Variants in AGBL2 observed in about 807,000 individuals in gnomAD.
The protein encoded by AGBL2 is cytosolic carboxypeptidase 2.
In AGBL2, 87 loss-of-function variants were observed where a neutral mutation model predicts 103.0. The observed-to-expected ratio is 0.84, with a 90% CI of 0.71 to 1.01. The LOEUF (loss-of-function observed/expected upper bound fraction) is 1.01. Among genes scored for constraint, AGBL2 ranks in the 50% least tolerant of loss-of-function variants. The pLI is 0.00. For synonymous variants in AGBL2, 335 were observed against 356.7 expected (o/e 0.94, Z 0.69); for missense variants, 904 against 1,023.5 (o/e 0.88, Z 1.59).
chr11:47,691,470 G>A (rs1250746386), intron 9 of AGBL2, among the ~76,000 whole-genome samples: 2 of 150,732 alleles, frequency 1.3e-5, no homozygotes, highest in Non-Finnish European at 2.9e-5. Flanking sequence ...CACTTTGGGA[G>A]GCCGAGACGG....
At position 47,714,339 on chromosome 11, in the gene AGBL2, A is replaced by G. The variant is rs139099662; in HGVS notation, c.42T>C (p.Pro14=). 113 of 1,612,838 alleles carry G rather than the reference A, an allele frequency of 7.0e-5. No homozygotes were observed. The highest frequency in any genetic ancestry group is 9.2e-5 in the Non-Finnish European group (108 of 1,179,342). The part of the protein sequence containing the change: ...ALETHLKQTI[P]DPYEDFMYRH... The stretch of plus-strand genomic sequence containing the variant: ...GGTACATAAAGTCTTCATAAGGATC[A>G]GGAATAGTCTGTGAAAGGAAAGGCC... The change falls in exon 3 of 19, where the codon CCT becomes CCC. Residue 14 remains proline, a synonymous_variant. Transcript: ENST00000525123.
At chr11:47,665,932 C>T (rs374832888) in intron 17 of AGBL2, among the ~76,000 whole-genome samples, 2 of 151,950 alleles carry the variant, frequency 1.3e-5, no homozygotes, top group Non-Finnish European at 2.9e-5. Flanking sequence ...TCACTTGAAC[C>T]CGGGAAGTGG....
intron 8 of AGBL2, among the ~76,000 whole-genome samples, chr11:47,698,364 G>T (rs2097485048): frequency 6.6e-6 from 1 of 151,498 alleles, no homozygotes; most frequent in Non-Finnish European, 1.5e-5. Context: ...TAGAGATAGG[G>T]TTTCTCCATG....
rs147112969 is a variant in AGBL2 at position 47,664,361 on chromosome 11, C to G, written c.2449-1249G>C. 3.7e-3 allele frequency among the ~76,000 whole-genome samples: 563 copies of G among 152,074 alleles called. 1 individual carries two copies. Among genetic ancestry groups the G allele is most frequent in the Non-Finnish European group, 6.6e-3 (450 of 68,000 alleles). ...TCCTGGACTCAAGTGATTCTCCCAC[C>G]TCAGCCTCCCAAGTAGCTAGGACTA... On this transcript the variant is annotated intron_variant, in intron 17 of 18. Transcript: ENST00000525123.
chr11:47,686,992 G>A (rs111861229), intron 10 of AGBL2, among the ~76,000 whole-genome samples: 2 of 107,782 alleles, frequency 1.9e-5, no homozygotes, highest in Admixed American at 1.1e-4. Flanking sequence ...GTGGGGGGAG[G>A]GGGGAGGGAT....
chr11:47,694,539 T>C (rs1401748254), intron 8 of AGBL2, among the ~76,000 whole-genome samples: 2 of 152,180 alleles, frequency 1.3e-5, no homozygotes, highest in Non-Finnish European at 2.9e-5. Flanking sequence ...CCTTGCCTAT[T>C]TGCTATCCCT....
At chr11:47,661,936 A>AC (rs915291652) in intron 18 of AGBL2, among the ~76,000 whole-genome samples, 13 of 151,798 alleles carry the variant, frequency 8.6e-5, no homozygotes, top group South Asian at 2.1e-4. Flanking sequence ...TTTAGTAGAG[A>AC]CAGGGTTTCA....
chr11:47,699,601 G>A (rs934094106), intron 7 of AGBL2, 48 bp from the exon 8 acceptor site: 11 of 1,056,866 alleles, frequency 1.0e-5, no homozygotes, highest in East Asian at 2.5e-5. Context: ...TAATGTAAAC[G>A]GCACTATCAG....
intron 4 of AGBL2, among the ~76,000 whole-genome samples, chr11:47,707,745 G>C (rs558859696): frequency 5.9e-5 from 9 of 152,044 alleles, no homozygotes; most frequent in Non-Finnish European, 1.3e-4. Flanking sequence ...CCTACACTAC[G>C]TATAAGTTTC....
rs183287931 is a variant in AGBL2 at position 47,709,871 on chromosome 11, G to A, written c.232+506C>T. Among the ~76,000 whole-genome samples, 863 of 152,026 alleles carry A rather than the reference G, an allele frequency of 5.7e-3. 7 individuals carry two copies. Among genetic ancestry groups the A allele is most frequent in the Non-Finnish European group, 6.8e-3 (462 of 67,982 alleles). ...TCCAAAGTGCTGGGATTACAGGCGT[G>A]AGCCACGATGCCAGGTGTATTACTC... On this transcript the variant is annotated intron_variant, in intron 4 of 18. Coordinates refer to ENST00000525123, the MANE Select transcript of AGBL2 (RefSeq NM_024783.4).
chr11:47,712,557 G>C lies in AGBL2; in HGVS notation c.97+1727C>G, dbSNP rs578046842. On this transcript the variant is annotated intron_variant, in intron 3 of 18. Transcript: ENST00000525123. The stretch of plus-strand genomic sequence containing the variant: ...AGAACCCAGTGTTGAAAAATTGCCA[G>C]TTCTTGTGAAATTTGATCTACAGAT... Among the ~76,000 whole-genome samples, 414 of 152,318 alleles carry C rather than the reference G, an allele frequency of 2.7e-3. 1 individual carries two copies. Among genetic ancestry groups the C allele is most frequent in the Non-Finnish European group, 5.0e-3 (338 of 68,022 alleles).
chr11:47,685,888 C>T lies in AGBL2; in HGVS notation c.1788+5G>A. The T allele has an allele frequency of 6.2e-7, 1 of 1,613,480 alleles. No homozygotes were observed. The highest frequency in any genetic ancestry group is 8.5e-7 in the Non-Finnish European group (1 of 1,179,696). On this transcript the variant is annotated splice_donor_5th_base_variant and intron_variant, in intron 11 of 18. Transcript: ENST00000525123. ...AATGGAGAGAAAATTACATTATGTG[C>T]TTACCTTATCTGGTGCATTTTTGCA...
chr11:47,706,812 G>A (rs1599094994), intron 4 of AGBL2, among the ~76,000 whole-genome samples: 1 of 149,108 alleles, frequency 6.7e-6, no homozygotes, highest in East Asian at 2.0e-4. Context: ...ACTTTGGGAG[G>A]CCAAGGCAGG....
chr11:47,710,807 T>C (rs756153035), intron 3 of AGBL2: 22 of 492,796 alleles, frequency 4.5e-5, no homozygotes, highest in African/African-American at 1.9e-4. Flanking sequence ...AAGGGCTGTG[T>C]TGGAACTCAG....
At position 47,692,906 on chromosome 11, in the gene AGBL2, C is replaced by T. The variant is rs562268515; in HGVS notation, c.695-650G>A. 2.6e-5 allele frequency among the ~76,000 whole-genome samples: 4 copies of T among 151,982 alleles called. No homozygotes were observed. In the East Asian group the frequency reaches 7.8e-4, roughly 29 times the overall value. On this transcript the variant is annotated intron_variant, in intron 8 of 18. Transcript: ENST00000525123. ...GAATCACAGTTCACTGCAGCCTCTA[C>T]CTTTTGTGCTCAAGTGATCCTCCCA...
At chr11:47,665,748 A>T (rs1024837561) in intron 17 of AGBL2, among the ~76,000 whole-genome samples, 1 of 151,852 alleles carries the variant, frequency 6.6e-6, no homozygotes, top group African/African-American at 2.4e-5. Flanking sequence ...AGTGGCTCAC[A>T]CCTGTAATCC....
chr11:47,679,414 G>A (rs1285835168), intron 13 of AGBL2, among the ~76,000 whole-genome samples: 2 of 151,866 alleles, frequency 1.3e-5, no homozygotes, highest in Admixed American at 6.6e-5. Context: ...AAGAATAGGT[G>A]TTGCCATAGG....
Position 47,659,857 on chromosome 11 carries a change from AG to A in AGBL2, c.*315del, listed in dbSNP as rs1428247202. On this transcript the variant is annotated 3_prime_UTR_variant, in exon 19 of 19. Coordinates refer to ENST00000525123, the MANE Select transcript of AGBL2 (RefSeq NM_024783.4). Reference sequence around the variant, plus strand: ...AATTGATTTGCACATAATTTTAGAGAGAATATCTATTGGTTAAAATGAGGTA... The same window carrying A: ...AATTGATTTGCACATAATTTTAGAGAAATATCTATTGGTTAAAATGAGGTA... The A allele has an allele frequency of 5.6e-5, 12 of 215,162 alleles. No individual in the cohort carries two copies. The highest frequency in any genetic ancestry group is 3.6e-4 in the South Asian group (2 of 5,492). 13.3% of individuals were successfully genotyped at this position (215,162 alleles called of 1,614,324 possible). A position where few individuals can be genotyped will look rare whatever the true frequency, so the allele number is the denominator to read the frequency against.
Position 47,686,048 on chromosome 11 carries a change from G to T in AGBL2, c.1633C>A (p.Leu545Ile). Residue 545 changes from leucine (L) to isoleucine (I), a missense_variant and splice_region_variant, in exon 11 of 19, where the codon CTT (leucine) becomes ATT (isoleucine). By Grantham distance (5) the Leu-to-Ile change is conservative (BLOSUM62 2). Coordinates refer to ENST00000525123, the MANE Select transcript of AGBL2 (RefSeq NM_024783.4). The part of the protein sequence containing the change: ...IWYTRNMIKR[L>I]LEEREVLLYC... ...AACAGAACCTCTCTTTCTTCAAGAA[G>T]TCTATTGAGGGGGCAAACAAAGGAC... is the stretch of plus-strand genomic sequence containing the variant. 1 of 1,613,614 alleles carries T rather than the reference G, an allele frequency of 6.2e-7. No individual in the cohort carries two copies. Among genetic ancestry groups the T allele is most frequent in the Non-Finnish European group, 8.5e-7 (1 of 1,179,888 alleles).
Sources: gnomAD v4.1 joint callset for allele counts (sites outside exome capture counted in the v4.1 genomes callset) on GRCh38, gnomAD v4.1.1 for gene constraint, MANE v1.5 for transcripts, NCBI Gene and HGNC (gene_info 2026-07-23, HGNC 2026-07-21) for gene names.